Variants in STXBP5L observed in about 807,000 individuals in gnomAD.
STXBP5L encodes syntaxin binding protein 5L, also known as syntaxin-binding protein 5-like.
In STXBP5L, 65 loss-of-function variants were observed where a neutral mutation model predicts 144.5. The ratio of observed to expected loss-of-function variants is 0.45; its 90% CI spans 0.37 to 0.55. The LOEUF is 0.55. STXBP5L is among the 20% of genes least tolerant of loss of function. STXBP5L has a pLI of 0.00. For synonymous variants in STXBP5L, 505 were observed against 469.6 expected (o/e 1.08, Z -0.97); for missense variants, 1,298 against 1,405.5 (o/e 0.92, Z 1.22).
intron 9 of STXBP5L, among the ~76,000 whole-genome samples, chr3:121,195,065 G>A (rs960539597): frequency 3.3e-5 from 5 of 151,580 alleles, no homozygotes; most frequent in Admixed American, 1.3e-4. Flanking sequence ...ACAGGCACAC[G>A]CCACCATGCC....
chr3:121,093,295 T>A (rs571205746), intron 5 of STXBP5L, among the ~76,000 whole-genome samples: 4 of 152,166 alleles, frequency 2.6e-5, no homozygotes, highest in Admixed American at 6.5e-5. Flanking sequence ...ATAAAATGAG[T>A]TAGGGAGGAT....
At chr3:120,913,248 A>G (rs1466274103) in intron 2 of STXBP5L, among the ~76,000 whole-genome samples, 4 of 151,924 alleles carry the variant, frequency 2.6e-5, no homozygotes, top group Admixed American at 6.6e-5. Context: ...TCTTATTGCT[A>G]GGGTATACAC....
At chr3:121,031,367 T>C (rs572297199) in intron 3 of STXBP5L, among the ~76,000 whole-genome samples, 1 of 149,332 alleles carries the variant, frequency 6.7e-6, no homozygotes, top group East Asian at 2.0e-4. Context: ...TGTATATATC[T>C]ATGTATGTGT....
chr3:120,976,317 C>G (rs1941006348), intron 3 of STXBP5L, among the ~76,000 whole-genome samples: 1 of 152,092 alleles, frequency 6.6e-6, no homozygotes, highest in East Asian at 1.9e-4. Flanking sequence ...CCTAGATTTT[C>G]TAGTTTATTT....
chr3:121,135,382 A>G (rs1395195603), intron 7 of STXBP5L, among the ~76,000 whole-genome samples: 1 of 152,174 alleles, frequency 6.6e-6, no homozygotes, highest in Non-Finnish European at 1.5e-5. Flanking sequence ...CATTCAAACC[A>G]TAGCAATGGT....
chr3:121,391,490 T>A (rs560825806), intron 22 of STXBP5L, among the ~76,000 whole-genome samples: 2 of 152,332 alleles, frequency 1.3e-5, no homozygotes, highest in Non-Finnish European at 2.9e-5. Flanking sequence ...AATTTTCAGC[T>A]TTTCTGCTCT....
intron 19 of STXBP5L, among the ~76,000 whole-genome samples, chr3:121,294,807 T>G (rs1013004082): frequency 6.6e-6 from 1 of 151,912 alleles, no homozygotes; most frequent in African/African-American, 2.4e-5. Context: ...ACAAAAAACC[T>G]GGGGAATGTT....
At chr3:120,991,700 C>G (rs1559965135) in intron 3 of STXBP5L, among the ~76,000 whole-genome samples, 1 of 151,768 alleles carries the variant, frequency 6.6e-6, no homozygotes, top group Non-Finnish European at 1.5e-5. Flanking sequence ...TTGAAGCAAA[C>G]TATCACAAGG....
chr3:121,021,671 G>T (rs1412398114), intron 3 of STXBP5L, among the ~76,000 whole-genome samples: 1 of 152,110 alleles, frequency 6.6e-6, no homozygotes, highest in Non-Finnish European at 1.5e-5. Context: ...TGATTGCTGG[G>T]TCAACAATGA....
At chr3:121,252,404 A>AT in intron 15 of STXBP5L, among the ~76,000 whole-genome samples, 2 of 151,834 alleles carry the variant, frequency 1.3e-5, no homozygotes, top group South Asian at 4.2e-4. Context: ...AAATAAATAA[A>AT]ATAAAATTTA....
At chr3:121,333,740 A>T (rs1282199936) in intron 20 of STXBP5L, among the ~76,000 whole-genome samples, 1 of 152,172 alleles carries the variant, frequency 6.6e-6, no homozygotes, top group Non-Finnish European at 1.5e-5. Context: ...GGACTACTAT[A>T]AACACCTCTA....
In STXBP5L at chr3:121,290,269, A is replaced by G. The variant is rs190498773; in HGVS notation, c.2110+10313A>G. Among the ~76,000 whole-genome samples, 47 of 152,274 alleles carry G rather than the reference A, an allele frequency of 3.1e-4. 2 individuals carry two copies. In the East Asian group the frequency reaches 8.3e-3, roughly 27 times the overall value. On this transcript the variant is annotated intron_variant, in intron 19 of 26. Coordinates refer to ENST00000471454, the MANE Select transcript of STXBP5L (RefSeq NM_001308330.2). ...CAAAAGGTCATTCAAGACTACTATC[A>G]TCACCTTTATGCACACAAACTAGAA... is the stretch of plus-strand genomic sequence containing the variant.
intron 3 of STXBP5L, among the ~76,000 whole-genome samples, chr3:120,993,035 A>G (rs1943053158): frequency 6.6e-6 from 1 of 152,030 alleles, no homozygotes; most frequent in Admixed American, 6.6e-5. Flanking sequence ...TTTGATTTGC[A>G]TGTATCTGAT....
At chr3:121,391,337 C>G (rs555337456) in intron 22 of STXBP5L, among the ~76,000 whole-genome samples, 2 of 152,136 alleles carry the variant, frequency 1.3e-5, no homozygotes, top group African/African-American at 2.4e-5. Flanking sequence ...TGAGCATCCT[C>G]CTTTAGCTTG....
rs1024341356 is a variant in STXBP5L, at chr3:120,960,888, A to G, written c.287+5851A>G. Among the ~76,000 whole-genome samples the G allele has an allele frequency of 3.3e-5, 5 of 152,106 alleles. No homozygotes were observed. In the East Asian group the frequency reaches 5.8e-4, roughly 18 times the overall value. On this transcript the variant is annotated intron_variant, in intron 3 of 26. Transcript: ENST00000471454. ...ACAAACCTGCACGTTGTGCACATGT[A>G]CCCTAAAACTTAAAGTATAATAAAA...
intron 10 of STXBP5L, 91 bp from the exon 11 acceptor site, chr3:121,222,912 G>A: frequency 7.1e-7 from 1 of 1,405,338 alleles, no homozygotes; most frequent in Non-Finnish European, 9.5e-7. Flanking sequence ...TATATGGTAT[G>A]CAACAAAACC....
chr3:121,092,423 T>A (rs1199391270), intron 5 of STXBP5L, among the ~76,000 whole-genome samples: 2 of 152,224 alleles, frequency 1.3e-5, no homozygotes, highest in Non-Finnish European at 2.9e-5. Flanking sequence ...TTCTTCCATT[T>A]GTTTGTATCC....
intron 19 of STXBP5L, among the ~76,000 whole-genome samples, chr3:121,281,717 G>A (rs967155169): frequency 6.6e-6 from 1 of 151,892 alleles, no homozygotes; most frequent in East Asian, 1.9e-4. Context: ...CTAGAGCTTA[G>A]AACATTGATG....
At chr3:121,358,906 G>GT (rs1016501372) in intron 20 of STXBP5L, among the ~76,000 whole-genome samples, 4 of 152,144 alleles carry the variant, frequency 2.6e-5, no homozygotes, top group East Asian at 1.9e-4. Context: ...GGATGCTTAG[G>GT]TTTTTTCCAA....
Sources: allele counts gnomAD v4.1 joint callset (sites outside exome capture counted in the v4.1 genomes callset), GRCh38; gene constraint gnomAD v4.1.1; transcripts MANE v1.5; gene names NCBI Gene and HGNC (gene_info 2026-07-23, HGNC 2026-07-21).